RGL1: variants seen among roughly 807,000 people sequenced by gnomAD.
The protein encoded by RGL1 is ral guanine nucleotide dissociation stimulator like 1, also known as ral guanine nucleotide dissociation stimulator-like 1.
In RGL1, 24 loss-of-function variants were observed where a neutral mutation model predicts 95.2. That is an observed-to-expected ratio of 0.25 (90% CI 0.18 to 0.35). The LOEUF (loss-of-function observed/expected upper bound fraction) is 0.35. Ranked by LOEUF, RGL1 falls within the 10% of genes least tolerant of loss-of-function variation. The pLI, the probability that RGL1 is intolerant of heterozygous loss-of-function variation, is 1.00. For missense variants in RGL1, 715 were observed against 936.3 expected (o/e 0.76, Z 3.08); for synonymous variants, 329 against 344.9 (o/e 0.95, Z 0.51).
chr1:183,869,967 C>T (rs60020970), intron 4 of RGL1, among the ~76,000 whole-genome samples: 19,916 of 152,164 alleles, frequency 0.13, 1,698 homozygotes, highest in Middle Eastern at 0.26. Flanking sequence ...TTTTGGTTGT[C>T]TCAACTTGGT....
At chr1:183,827,120 G>A (rs976013741) in intron 2 of RGL1, among the ~76,000 whole-genome samples, 6 of 152,100 alleles carry the variant, frequency 3.9e-5, no homozygotes, top group African/African-American at 1.4e-4. Context: ...TCAGGGTTTT[G>A]CCATGTTGGC....
chr1:183,873,504 A>G (rs763822991), intron 4 of RGL1, among the ~76,000 whole-genome samples: 2 of 151,882 alleles, frequency 1.3e-5, no homozygotes, highest in Admixed American at 6.6e-5. Flanking sequence ...TGATATTTGA[A>G]CTCCCGTCCA....
chr1:183,698,228 C>T (rs951512675), intron 1 of RGL1, among the ~76,000 whole-genome samples: 3 of 152,348 alleles, frequency 2.0e-5, no homozygotes, highest in African/African-American at 7.2e-5. Context: ...ACCAGCACAC[C>T]CTGGTGGGCT....
intron 1 of RGL1, chr1:183,647,100 A>G (rs1650345253): frequency 6.6e-6 from 1 of 152,428 alleles, no homozygotes; most frequent in Non-Finnish European, 1.5e-5. Flanking sequence ...CAAACTGAGC[A>G]GGTGGCTAGG....
chr1:183,659,489 A>C (rs1651450664), intron 1 of RGL1, among the ~76,000 whole-genome samples: 1 of 152,226 alleles, frequency 6.6e-6, no homozygotes, highest in Non-Finnish European at 1.5e-5. Context: ...AAATGAAGCG[A>C]GAAGGGAAGT....
chr1:183,866,209 T>A, intron 4 of RGL1, 136 bp downstream of exon 4: 1 of 657,446 alleles, frequency 1.5e-6, no homozygotes, highest in Non-Finnish European at 2.6e-6. Flanking sequence ...TATTTTTTGA[T>A]TACCTAACAA....
At chr1:183,729,174 T>G (rs974594069) in intron 1 of RGL1, among the ~76,000 whole-genome samples, 2 of 126,886 alleles carry the variant, frequency 1.6e-5, no homozygotes, top group African/African-American at 5.4e-5. Context: ...CTCAGACAGA[T>G]AAAATATATA....
At chr1:183,725,115 C>T (rs1225633348) in intron 1 of RGL1, among the ~76,000 whole-genome samples, 3 of 152,156 alleles carry the variant, frequency 2.0e-5, no homozygotes, top group East Asian at 1.9e-4. Flanking sequence ...ATCATCAAGG[C>T]GGTACCTCTA....
Position 183,657,011 on chromosome 1 carries a change from CAA to C in RGL1, c.-33+20526_-33+20527del, listed in dbSNP as rs1278009517. Among the ~76,000 whole-genome samples, 909 of 124,626 alleles carry C rather than the reference CAA, an allele frequency of 7.3e-3. 9 individuals carry two copies. Among genetic ancestry groups the C allele is most frequent in the African/African-American group, 0.025 (850 of 34,420 alleles). The allele number at this position is 124,626 out of a possible 152,430, so 81.8% of individuals were successfully genotyped here. ...CTCAACTAAGTTCACAAAATCGACT[CAA>C]AAAAAAAAAAAAAAAGATTGCTTTG... On this transcript the variant is annotated intron_variant, in intron 1 of 18. Transcript: ENST00000304685.
At chr1:183,743,667 C>T (rs944049251) in intron 2 of RGL1, among the ~76,000 whole-genome samples, 8 of 152,180 alleles carry the variant, frequency 5.3e-5, no homozygotes, top group African/African-American at 1.9e-4. Flanking sequence ...AGAGTTTTAT[C>T]TTCTGGAATA....
intron 9 of RGL1, among the ~76,000 whole-genome samples, chr1:183,896,251 A>G (rs11806255): frequency 0.016 from 2,417 of 152,220 alleles, 79 homozygotes; most frequent in African/African-American, 0.056. Context: ...GGGTCTCACT[A>G]TGTTGCTCAA....
At chr1:183,906,411 A>G (rs1022052137) in intron 13 of RGL1, among the ~76,000 whole-genome samples, 10 of 152,152 alleles carry the variant, frequency 6.6e-5, no homozygotes, top group Admixed American at 6.5e-5. Flanking sequence ...GCAATTAAAA[A>G]TTTAAAAAAG....
At chr1:183,907,696 A>G (rs187572340) in intron 14 of RGL1, among the ~76,000 whole-genome samples, 9 of 152,300 alleles carry the variant, frequency 5.9e-5, no homozygotes, top group Admixed American at 5.2e-4. Context: ...TCTCATTCAT[A>G]CTAGCTGCTT....
intron 1 of RGL1, among the ~76,000 whole-genome samples, chr1:183,730,119 T>C (rs1656543431): frequency 6.6e-6 from 1 of 152,298 alleles, no homozygotes; most frequent in African/African-American, 2.4e-5. Flanking sequence ...CTATCCCTCA[T>C]TAAAATTGTG....
chr1:183,789,670 T>G (rs1428309724), intron 2 of RGL1, among the ~76,000 whole-genome samples: 1 of 152,136 alleles, frequency 6.6e-6, no homozygotes, highest in Non-Finnish European at 1.5e-5. Flanking sequence ...CCTCTACTGA[T>G]TTCTGCTCTA....
In RGL1 at chr1:183,789,830, G is replaced by A. The variant is rs528643802; in HGVS notation, c.133-16545G>A. Among the ~76,000 whole-genome samples the A allele has an allele frequency of 7.7e-3, 1,163 of 151,828 alleles. 5 individuals carry two copies. The highest frequency in any genetic ancestry group is 0.012 in the Non-Finnish European group (794 of 67,878). On this transcript the variant is annotated intron_variant, in intron 2 of 18. Coordinates refer to the RGL1 transcript ENST00000304685. ...GGCAGCTTTGTTCTTTAGGATATTA[G>A]GTTGGTGCAAATGTAATTGTGGTTT...
At chr1:183,923,456 A>C (rs1247298289) in intron 17 of RGL1, among the ~76,000 whole-genome samples, 2 of 152,186 alleles carry the variant, frequency 1.3e-5, no homozygotes, top group African/African-American at 4.8e-5. Context: ...TTATAATTAT[A>C]ATTCTAAGCC....
chr1:183,881,178 C>T lies in RGL1; in HGVS notation c.610+378C>T, dbSNP rs116324994. Among the ~76,000 whole-genome samples, 857 of 152,260 alleles carry T rather than the reference C, an allele frequency of 5.6e-3. 7 individuals are homozygous for T. The highest frequency in any genetic ancestry group is 0.019 in the African/African-American group (790 of 41,536). On this transcript the variant is annotated intron_variant, in intron 5 of 17. Coordinates refer to ENST00000360851, the MANE Select transcript of RGL1 (RefSeq NM_001297671.3). ...ATGTACCATGCTGAACCTGAATTTG[C>T]ATTTTATTACCTGTTTAATGGCTCC...
At position 183,724,134 on chromosome 1, in the gene RGL1, T is replaced by C. The variant is rs1656179084; in HGVS notation, c.-32-17992T>C. On this transcript the variant is annotated intron_variant, in intron 1 of 18. Coordinates refer to the RGL1 transcript ENST00000304685. The surrounding 1 kb of genome is among the most constrained non-coding windows in gnomAD (Gnocchi z 4.1). Reference sequence around the variant, plus strand: ...CATCATTTGCTAGCAAAAGAGCTCTTGAACCCAAAATAATCAGCAGTGGTA... The same window carrying C: ...CATCATTTGCTAGCAAAAGAGCTCTCGAACCCAAAATAATCAGCAGTGGTA... 6.6e-6 allele frequency among the ~76,000 whole-genome samples: 1 copy of C among 152,172 alleles called. No individual in the cohort carries two copies. The highest frequency in any genetic ancestry group is 1.5e-5 in the Non-Finnish European group (1 of 68,026).
Sources: allele counts gnomAD v4.1 joint callset (sites outside exome capture counted in the v4.1 genomes callset), GRCh38; gene constraint gnomAD v4.1.1; non-coding constraint Gnocchi (gnomAD v3.1); transcripts MANE v1.5; gene names NCBI Gene and HGNC (gene_info 2026-07-23, HGNC 2026-07-21).